The following ERRFI1 variants were observed in gnomAD, a reference collection of about 807,000 sequenced individuals.
The protein encoded by ERRFI1 is mitogen-inducible gene 6 protein.
A neutral mutation model predicts 14.6 loss-of-function variants in ERRFI1; 12 were observed. The observed-to-expected ratio is 0.82, with a 90% CI of 0.53 to 1.33. The LOEUF (loss-of-function observed/expected upper bound fraction) is 1.33, where lower values mean the gene tolerates loss of function less well. Among genes scored for constraint, ERRFI1 ranks in the 40% most tolerant of loss-of-function variants. The pLI is 0.00. For synonymous variants in ERRFI1, 202 were observed against 209.9 expected (o/e 0.96, Z 0.32); for missense variants, 482 against 572.1 (o/e 0.84, Z 1.61).
chr1:8,014,391 C>T lies in ERRFI1; in HGVS notation c.208G>A (p.Ala70Thr), dbSNP rs1034024566. ...CCATTCATCGGAGCAGATTTGGAAG[C>T]ATGCCCTGGAATGAACGAGAGATAT... is the stretch of plus-strand genomic sequence containing the variant. ...AQERLIPLGH[A>T]SKSAPMNGHC... The change falls in exon 4 of 4, where the codon GCT (alanine) becomes ACT (threonine). Residue 70 changes from alanine (A) to threonine (T), a missense_variant. Coordinates refer to ENST00000377482, the MANE Select transcript of ERRFI1 (RefSeq NM_018948.4). The T allele has an allele frequency of 7.6e-6, 12 of 1,575,462 alleles. No individual in the cohort carries two copies. Among genetic ancestry groups the T allele is most frequent in the Admixed American group, 1.8e-5 (1 of 54,752 alleles).
chr1:8,015,285 G>A (rs749701648), intron 3 of ERRFI1, 23 bp downstream of exon 3: 6 of 1,600,234 alleles, frequency 3.7e-6, no homozygotes, highest in African/African-American at 1.3e-5. Flanking sequence ...TGCTTACTGT[G>A]ATCAGATTTT....
chr1:8,020,536 A>G (rs1324731510), intron 1 of ERRFI1, among the ~76,000 whole-genome samples: 1 of 148,128 alleles, frequency 6.8e-6, no homozygotes, highest in Non-Finnish European at 1.5e-5. Context: ...ACAAACAAAC[A>G]AACAAAAAAA....
chr1:8,016,073 A>T (rs1641169261), intron 1 of ERRFI1, among the ~76,000 whole-genome samples: 1 of 152,204 alleles, frequency 6.6e-6, no homozygotes, highest in Non-Finnish European at 1.5e-5. Flanking sequence ...GGCATGAAGC[A>T]CCAGTGGATC....
intron 1 of ERRFI1, among the ~76,000 whole-genome samples, chr1:8,025,354 A>T (rs1354347145): frequency 6.6e-6 from 1 of 152,210 alleles, no homozygotes; most frequent in African/African-American, 2.4e-5. Context: ...AATTCCCAAT[A>T]AGCATTCACG....
chr1:8,018,660 TTCA>T (rs1641234078), intron 1 of ERRFI1, among the ~76,000 whole-genome samples: 1 of 152,336 alleles, frequency 6.6e-6, no homozygotes, highest in Non-Finnish European at 1.5e-5. Flanking sequence ...TTCTCCAAAC[TTCA>T]TCAACTATTT....
chr1:8,013,018 T>C lies in ERRFI1; in HGVS notation c.*192A>G, dbSNP rs1010271125. ...AAATTATAGACTTGTAAGACTTTTT[T>C]CCAACACTAACAAAGTCAGGGTTTC... On this transcript the variant is annotated 3_prime_UTR_variant, in exon 4 of 4. Coordinates refer to ENST00000377482, the MANE Select transcript of ERRFI1 (RefSeq NM_018948.4). The surrounding 1 kb of genome is among the most constrained non-coding windows in gnomAD (Gnocchi z 4.3). 1.7e-6 allele frequency: 1 copy of C among 574,862 alleles called. No homozygotes were observed. Among genetic ancestry groups the C allele is most frequent in the South Asian group, 2.7e-5 (1 of 37,262 alleles). 35.6% of individuals were successfully genotyped at this position (574,862 alleles called of 1,614,324 possible).
chr1:8,026,262 G>C lies in ERRFI1; in HGVS notation c.-178C>G, dbSNP rs1279416109. 2.0e-5 allele frequency: 3 copies of C among 152,430 alleles called. No individual in the cohort carries two copies. Among genetic ancestry groups the C allele is most frequent in the Admixed American group, 6.5e-5 (1 of 15,270 alleles). 9.4% of individuals were successfully genotyped at this position (152,430 alleles called of 1,614,324 possible). A position where few individuals can be genotyped will look rare whatever the true frequency, so the allele number is the denominator to read the frequency against. ...CCCGGACATCGCGCAGGCGCCTCTT[G>C]CTGGCTCGCGCTCCCGCTAGCACTC... On this transcript the variant is annotated 5_prime_UTR_variant, in exon 1 of 4. Coordinates refer to ENST00000377482, the MANE Select transcript of ERRFI1 (RefSeq NM_018948.4).
intron 3 of ERRFI1, 151 bp from the exon 4 acceptor site, chr1:8,014,547 C>G: frequency 6.0e-6 from 4 of 667,262 alleles, no homozygotes; most frequent in East Asian, 2.7e-5. Flanking sequence ...ATGCAACCAC[C>G]ACAGGTGTAA....
intron 1 of ERRFI1, among the ~76,000 whole-genome samples, chr1:8,015,915 T>C (rs1400055946): frequency 2.6e-5 from 4 of 152,206 alleles, no homozygotes; most frequent in African/African-American, 7.2e-5. Context: ...TGAAATGTTT[T>C]AGTGAAATGA....
intron 1 of ERRFI1, among the ~76,000 whole-genome samples, chr1:8,022,460 C>A (rs907817888): frequency 5.9e-5 from 9 of 152,210 alleles, no homozygotes; most frequent in Admixed American, 3.3e-4. Context: ...TTGATCCCCA[C>A]AACATCCCTG....
At position 8,013,455 on chromosome 1, in the gene ERRFI1, T is replaced by C. The variant is rs2124055555; in HGVS notation, c.1144A>G (p.Ile382Val). Reference protein sequence around the residue: ...SASKVPCILPIIENGKKVSST... With the variant: ...SASKVPCILPVIENGKKVSST... ...CTAACCTTCTTCCCATTTTCAATAA[T>C]GGGCAGAATGCAAGGAACCTTACTG... is the stretch of plus-strand genomic sequence containing the variant. Residue 382 changes from isoleucine to valine, a missense_variant, in exon 4 of 4, where the codon ATT becomes GTT. Transcript: ENST00000377482. The surrounding 1 kb of genome is among the most constrained non-coding windows in gnomAD (Gnocchi z 4.3). 2.5e-6 allele frequency: 4 copies of C among 1,614,218 alleles called. No homozygotes were observed. Among genetic ancestry groups the C allele is most frequent in the East Asian group, 2.2e-5 (1 of 44,880 alleles).
rs902956661 is a variant in ERRFI1, at chr1:8,015,321, G to T, written c.189C>A (p.Arg63=). The T allele has an allele frequency of 7.4e-6, 12 of 1,613,950 alleles. No individual in the cohort carries two copies. Among genetic ancestry groups the T allele is most frequent in the Non-Finnish European group, 1.0e-5 (12 of 1,179,920 alleles). The change falls in exon 3 of 4, where the codon CGC becomes CGA. Residue 63 remains arginine, a synonymous_variant. Coordinates refer to ENST00000377482, the MANE Select transcript of ERRFI1 (RefSeq NM_018948.4). ...AYSLNSSAQE[R]LIPLGHASKS... is the part of the protein sequence containing the mutation. ...CAGAATACATACCAAGTGGTATTAG[G>T]CGCTCCTGAGCAGAAGAGTTCAGAC...
chr1:8,025,436 G>A (rs1569603763), intron 1 of ERRFI1, among the ~76,000 whole-genome samples: 3 of 152,306 alleles, frequency 2.0e-5, no homozygotes, highest in Admixed American at 6.5e-5. Context: ...AAAGAATCAC[G>A]TTTCTAGGAG....
intron 1 of ERRFI1, among the ~76,000 whole-genome samples, chr1:8,018,366 CGGGGGGCGGGGGGGG>C (rs1254241810): frequency 1.2e-4 from 1 of 8,526 alleles, no homozygotes; most frequent in African/African-American, 6.2e-4. Context: ...CAAATGGAAG[CGGGGGGCGGGGGGGG>C]GGGGGGCGCG....
intron 1 of ERRFI1, among the ~76,000 whole-genome samples, chr1:8,019,461 G>A (rs1228189596): frequency 2.0e-5 from 3 of 152,098 alleles, no homozygotes; most frequent in Non-Finnish European, 4.4e-5. Flanking sequence ...ATTTTGTGCT[G>A]GGCCCCAATT....
chr1:8,015,417 C>CGAA (rs761848847), intron 2 of ERRFI1, 33 bp from the exon 3 acceptor site: 4 of 1,614,036 alleles, frequency 2.5e-6, no homozygotes, highest in Middle Eastern at 1.7e-4. Context: ...TGGTCATAAG[C>CGAA]GAAGAGCAAT....
chr1:8,021,155 A>G (rs1641269733), intron 1 of ERRFI1, among the ~76,000 whole-genome samples: 1 of 152,186 alleles, frequency 6.6e-6, no homozygotes, highest in Admixed American at 6.5e-5. Flanking sequence ...AACATAATGG[A>G]CCATTTGTAG....
intron 1 of ERRFI1, among the ~76,000 whole-genome samples, chr1:8,024,869 C>G (rs1374808935): frequency 6.6e-6 from 1 of 151,846 alleles, no homozygotes; most frequent in Non-Finnish European, 1.5e-5. Context: ...GGTCTCTGTT[C>G]AAATAAAATT....
chr1:8,013,212 A>C lies in ERRFI1; in HGVS notation c.1387T>G (p.Ter463GluextTer30). The stretch of plus-strand genomic sequence containing the variant: ...CTGCTGAACCATGACCCCAAGGTCT[A>C]AGGAGAAACCACATAGGATAAATGT... Reference protein sequence around the residue: ...RKHLSYVVSP* With the variant: ...RKHLSYVVSPE Residue 463 changes from the stop codon to glutamate (E), a stop_lost, in exon 4 of 4, where the codon TAG becomes GAG. Coordinates refer to ENST00000377482, the MANE Select transcript of ERRFI1 (RefSeq NM_018948.4). The surrounding 1 kb of genome is among the most constrained non-coding windows in gnomAD (Gnocchi z 4.3). 1.2e-6 allele frequency: 2 copies of C among 1,604,708 alleles called. No individual in the cohort carries two copies. The highest frequency in any genetic ancestry group is 1.7e-6 in the Non-Finnish European group (2 of 1,175,628).
Sources: allele counts gnomAD v4.1 joint callset (sites outside exome capture counted in the v4.1 genomes callset), GRCh38; gene constraint gnomAD v4.1.1; non-coding constraint Gnocchi (gnomAD v3.1); transcripts MANE v1.5; gene names NCBI Gene and HGNC (gene_info 2026-07-23, HGNC 2026-07-21).